The following GRM8 variants were observed in gnomAD, a reference collection of about 807,000 sequenced individuals.
The protein encoded by GRM8 is metabotropic glutamate receptor 8.
A neutral mutation model predicts 87.2 loss-of-function variants in GRM8; 47 were observed. The observed-to-expected ratio is 0.54, with a 90% CI of 0.43 to 0.69. The LOEUF is 0.69. GRM8 is among the 30% of genes least tolerant of loss of function. The probability of loss-of-function intolerance (pLI) is 0.00; values close to 1 mark genes in which losing one functional copy is unlikely to be tolerated. For synonymous variants in GRM8, 396 were observed against 404.5 expected (o/e 0.98, Z 0.25); for missense variants, 1,019 against 1,139.2 (o/e 0.89, Z 1.52).
intron 3 of GRM8, among the ~76,000 whole-genome samples, chr7:126,955,087 AAGAGTG>A (rs1455461434): frequency 6.6e-6 from 1 of 152,210 alleles, no homozygotes; most frequent in Non-Finnish European, 1.5e-5. Context: ...GCAAAAGAAT[AAGAGTG>A]AAACAACTAA....
In GRM8 at chr7:127,070,233, T is replaced by C. The variant is rs569791684; in HGVS notation, c.727+36263A>G. Among the ~76,000 whole-genome samples, 29 of 152,312 alleles carry C rather than the reference T, an allele frequency of 1.9e-4. 1 individual carries two copies. In the South Asian group the frequency reaches 5.8e-3, roughly 30 times the overall value. On this transcript the variant is annotated intron_variant, in intron 3 of 10. Coordinates refer to ENST00000339582, the MANE Select transcript of GRM8 (RefSeq NM_000845.3). ...GACAATCAATTCATCCACTCACTTATGTGTGTATCTGTCGACAAGTGTGCT... is the reference window on the plus strand; with the variant it reads ...GACAATCAATTCATCCACTCACTTACGTGTGTATCTGTCGACAAGTGTGCT...
At chr7:127,007,468 C>T (rs1183485622) in intron 3 of GRM8, among the ~76,000 whole-genome samples, 1 of 151,998 alleles carries the variant, frequency 6.6e-6, no homozygotes, top group Non-Finnish European at 1.5e-5. Context: ...CATCACTCTG[C>T]TTTACTTTAT....
intron 3 of GRM8, among the ~76,000 whole-genome samples, chr7:126,964,853 T>G (rs1809681451): frequency 6.6e-6 from 1 of 152,186 alleles, no homozygotes; most frequent in Admixed American, 6.5e-5. Context: ...TAAACACACA[T>G]GCACACATGT....
intron 6 of GRM8, among the ~76,000 whole-genome samples, chr7:126,783,174 A>G (rs1481108053): frequency 6.6e-6 from 1 of 151,990 alleles, no homozygotes; most frequent in Non-Finnish European, 1.5e-5. Flanking sequence ...TCCAGGTATT[A>G]TTTTCTCCCC....
At chr7:127,159,942 C>A (rs1313832090) in intron 2 of GRM8, among the ~76,000 whole-genome samples, 1 of 152,042 alleles carries the variant, frequency 6.6e-6, no homozygotes, top group Non-Finnish European at 1.5e-5. Context: ...AAAGGTGATT[C>A]TGAAAATTGA....
chr7:126,683,976 A>G (rs4731323), intron 7 of GRM8, among the ~76,000 whole-genome samples: 31,298 of 152,212 alleles, frequency 0.21, 3,419 homozygotes, highest in Middle Eastern at 0.23. Flanking sequence ...AGTAACCTCC[A>G]TGAAAGAGGG....
At chr7:126,589,613 A>G (rs1228509652) in intron 8 of GRM8, among the ~76,000 whole-genome samples, 3 of 152,220 alleles carry the variant, frequency 2.0e-5, no homozygotes, top group Non-Finnish European at 2.9e-5. Context: ...TCTTCCCTAT[A>G]CTACCACGGC....
intron 3 of GRM8, among the ~76,000 whole-genome samples, chr7:126,998,258 T>C (rs1325946190): frequency 1.3e-5 from 2 of 151,900 alleles, no homozygotes; most frequent in Admixed American, 6.6e-5. Flanking sequence ...AGAAAGAACA[T>C]ACCTCAACAG....
intron 3 of GRM8, among the ~76,000 whole-genome samples, chr7:127,028,481 T>A (rs1439080120): frequency 1.3e-5 from 2 of 152,186 alleles, no homozygotes; most frequent in African/African-American, 4.8e-5. Context: ...TTTTGGTTGG[T>A]AGGCTATTAA....
At chr7:126,585,944 C>A (rs937787509) in intron 8 of GRM8, among the ~76,000 whole-genome samples, 1 of 152,110 alleles carries the variant, frequency 6.6e-6, no homozygotes, top group African/African-American at 2.4e-5. Flanking sequence ...ATTGTCTCAG[C>A]CCAAAATCTC....
At chr7:127,027,759 C>T (rs1300617960) in intron 3 of GRM8, among the ~76,000 whole-genome samples, 1 of 152,128 alleles carries the variant, frequency 6.6e-6, no homozygotes, top group Non-Finnish European at 1.5e-5. Flanking sequence ...TCTAAATATA[C>T]AATCATGTCA....
chr7:126,959,953 G>GTGTA (rs1809132956), intron 3 of GRM8, among the ~76,000 whole-genome samples: 1 of 152,192 alleles, frequency 6.6e-6, no homozygotes, highest in Non-Finnish European at 1.5e-5. Flanking sequence ...AAGAGATAAT[G>GTGTA]TGTATGAAGT....
chr7:127,071,579 C>T (rs1292164886), intron 3 of GRM8, among the ~76,000 whole-genome samples: 7 of 152,116 alleles, frequency 4.6e-5, no homozygotes, highest in African/African-American at 7.2e-5. Flanking sequence ...ATTAGTTGGT[C>T]GGACTGGATC....
intron 7 of GRM8, among the ~76,000 whole-genome samples, chr7:126,706,106 C>A (rs944379587): frequency 6.6e-6 from 1 of 152,084 alleles, no homozygotes; most frequent in African/African-American, 2.4e-5. Flanking sequence ...AAGATGCTTG[C>A]AAGTAACATC....
chr7:126,485,041 A>G, intron 9 of GRM8, among the ~76,000 whole-genome samples: 1 of 152,030 alleles, frequency 6.6e-6, no homozygotes, highest in Admixed American at 6.6e-5. Context: ...TGGTTATCAG[A>G]CTAACTCTCC....
chr7:127,041,001 C>T (rs1420054592), intron 3 of GRM8, among the ~76,000 whole-genome samples: 1 of 152,172 alleles, frequency 6.6e-6, no homozygotes, highest in East Asian at 1.9e-4. Context: ...AGCAGGTGTT[C>T]AATTCATGTT....
intron 7 of GRM8, among the ~76,000 whole-genome samples, chr7:126,690,215 C>T (rs1020802113): frequency 1.3e-5 from 2 of 152,252 alleles, no homozygotes; most frequent in South Asian, 2.1e-4. Context: ...TATGCCCACT[C>T]GGCCTGGCAG....
intron 7 of GRM8, among the ~76,000 whole-genome samples, chr7:126,612,263 G>T (rs930766617): frequency 6.6e-6 from 1 of 152,110 alleles, no homozygotes; most frequent in Non-Finnish European, 1.5e-5. Flanking sequence ...CTCAGTGAGC[G>T]TATAAGTTTT....
chr7:126,801,110 C>A (rs764808096), intron 6 of GRM8, among the ~76,000 whole-genome samples: 6 of 152,022 alleles, frequency 3.9e-5, no homozygotes, highest in Non-Finnish European at 7.4e-5. Context: ...AAAGTGTTAA[C>A]CTCCCTTGTA....
Sources: gnomAD v4.1 joint callset for allele counts (sites outside exome capture counted in the v4.1 genomes callset) on GRCh38, gnomAD v4.1.1 for gene constraint, MANE v1.5 for transcripts, NCBI Gene and HGNC (gene_info 2026-07-23, HGNC 2026-07-21) for gene names.